The following POLA1 variants were observed in gnomAD, a reference collection of about 807,000 sequenced individuals.
POLA1 encodes DNA polymerase alpha 1, catalytic subunit, also known as DNA polymerase alpha catalytic subunit.
POLA1 carries 15 observed loss-of-function variants against 124.0 expected under a neutral mutation model. The ratio of observed to expected loss-of-function variants is 0.12; its 90% CI spans 0.08 to 0.19. The LOEUF (loss-of-function observed/expected upper bound fraction) is 0.19. Ranked by LOEUF, POLA1 falls within the 10% of genes least tolerant of loss-of-function variation. The pLI, the probability that POLA1 is intolerant of heterozygous loss-of-function variation, is 1.00. For missense variants in POLA1, 886 were observed against 1,103.4 expected, an observed-to-expected ratio of 0.80 and a Z score of 2.79; for synonymous variants, 408 against 389.4, an observed-to-expected ratio of 1.05 and a Z score of -0.56.
At chrX:24,811,540 G>C (rs1480495496) in intron 28 of POLA1, among the ~76,000 whole-genome samples, 2 of 110,661 alleles carry the variant, frequency 1.8e-5, no homozygotes, top group Non-Finnish European at 3.8e-5. Flanking sequence ...CACCTGCCTT[G>C]GACTCCCAAG....
intron 36 of POLA1, among the ~76,000 whole-genome samples, chrX:24,979,800 A>G: frequency 8.9e-6 from 1 of 112,228 alleles, no homozygotes; most frequent in East Asian, 2.8e-4. Flanking sequence ...GCAGACCCAC[A>G]TGGGCCTGCT....
chrX:24,695,154 G>A lies in POLA1; in HGVS notation c.43+1150G>A, dbSNP rs1041204448. ...AGTAGTTGCTGGGGACTTGTGACTG[G>A]AATTTTTCCTTTAGAGCAGACTGAA... On this transcript the variant is annotated intron_variant, in intron 1 of 36. Coordinates refer to ENST00000379068, the MANE Select transcript of POLA1 (RefSeq NM_001330360.2). 6.3e-5 allele frequency among the ~76,000 whole-genome samples: 7 copies of A among 111,790 alleles called. No individual in the cohort carries two copies. The East Asian group carries it at 1.9e-3, about 31-fold the overall frequency.
chrX:24,984,541 T>C (rs2048457414), intron 36 of POLA1, among the ~76,000 whole-genome samples: 1 of 111,286 alleles, frequency 9.0e-6, no homozygotes, highest in African/African-American at 3.3e-5. Flanking sequence ...AAAAAAAAAG[T>C]GTGTGTTTAT....
intron 26 of POLA1, among the ~76,000 whole-genome samples, chrX:24,763,520 A>G (rs1932836573): frequency 9.0e-6 from 1 of 111,405 alleles, no homozygotes; most frequent in African/African-American, 3.3e-5. Context: ...ATGGACATGG[A>G]TGAGATTACT....
At chrX:24,731,978 A>G (rs1326957746) in intron 15 of POLA1, among the ~76,000 whole-genome samples, 1 of 111,978 alleles carries the variant, frequency 8.9e-6, no homozygotes, top group Non-Finnish European at 1.9e-5. Flanking sequence ...TTTTCGAGAC[A>G]GAGTCTCACT....
At chrX:24,764,733 C>T (rs1932860854) in intron 26 of POLA1, among the ~76,000 whole-genome samples, 1 of 111,722 alleles carries the variant, frequency 9.0e-6, no homozygotes, top group South Asian at 3.8e-4. Context: ...ACTTTCTTCT[C>T]ATTACAGTCG....
chrX:24,865,618 A>G (rs369939621), intron 34 of POLA1, among the ~76,000 whole-genome samples: 11 of 111,835 alleles, frequency 9.8e-5, no homozygotes, highest in African/African-American at 2.9e-4. Flanking sequence ...TCTAAACTTC[A>G]TATAAAAACT....
At chrX:24,924,251 G>T (rs1364438595) in intron 35 of POLA1, among the ~76,000 whole-genome samples, 4 of 111,637 alleles carry the variant, frequency 3.6e-5, no homozygotes, top group Non-Finnish European at 5.6e-5. Flanking sequence ...TTTTTGTATG[G>T]TATCTTGTTA....
chrX:24,785,247 T>A (rs1001843121), intron 26 of POLA1, among the ~76,000 whole-genome samples: 4 of 112,343 alleles, frequency 3.6e-5, no homozygotes, highest in African/African-American at 1.3e-4. Flanking sequence ...TTCAGGGAAC[T>A]TGAGGTTTTA....
rs763306930 is a variant in POLA1, at chrX:24,717,421, G to A, written c.838G>A (p.Asp280Asn). The stretch of plus-strand genomic sequence containing the variant: ...GGAGCCTATGGCTGCCAAGGCTTGG[G>A]ACAAAGAGAGTGAGCCAGCAGAGGA... ...DLEPMAAKAW[D>N]KESEPAEEVK... The change falls in exon 9 of 37, where the codon GAC (aspartate) becomes AAC (asparagine). Residue 280 changes from aspartate to asparagine, a missense_variant. Physicochemically the swap from Asp to Asn is conservative, Grantham distance 23. This residue lies in a region of POLA1 where 337 missense variants were observed against 402.8 expected (regional missense o/e 0.84). Coordinates refer to ENST00000379068, the MANE Select transcript of POLA1 (RefSeq NM_001330360.2). The A allele has an allele frequency of 1.7e-6, 2 of 1,211,699 alleles. No individual in the cohort carries two copies. Among genetic ancestry groups the A allele is most frequent in the East Asian group, 3.0e-5 (1 of 33,853 alleles).
intron 35 of POLA1, among the ~76,000 whole-genome samples, chrX:24,902,181 CAT>C (rs1376798393): frequency 1.8e-5 from 2 of 111,829 alleles, no homozygotes; most frequent in African/African-American, 6.5e-5. Flanking sequence ...TTAATGTAAA[CAT>C]GTACATAAGT....
chrX:24,726,809 A>G, intron 13 of POLA1, 124 bp from the exon 14 acceptor site: 2 of 445,680 alleles, frequency 4.5e-6, no homozygotes, highest in Non-Finnish European at 7.4e-6. Context: ...TACATTTCAT[A>G]TATATCAAAG....
Position 24,705,699 on chromosome X carries a change from C to A in POLA1, c.346+1230C>A, listed in dbSNP as rs187788128. On this transcript the variant is annotated intron_variant, in intron 4 of 36. Coordinates refer to ENST00000379068, the MANE Select transcript of POLA1 (RefSeq NM_001330360.2). ...AGTGTAGAACAGCAACACCTCCCCCCCTCCCCTGCCCCTGGCCTCTTTTTG... is the reference window on the plus strand; with the variant it reads ...AGTGTAGAACAGCAACACCTCCCCCACTCCCCTGCCCCTGGCCTCTTTTTG... Among the ~76,000 whole-genome samples, 17 of 110,121 alleles carry A rather than the reference C, an allele frequency of 1.5e-4. No homozygotes were observed. In the East Asian group the frequency reaches 2.5e-3, roughly 16 times the overall value.
chrX:24,917,862 GA>G (rs1369172090), intron 35 of POLA1, among the ~76,000 whole-genome samples: 1 of 111,721 alleles, frequency 9.0e-6, no homozygotes, highest in Non-Finnish European at 1.9e-5. Context: ...AATGTGAATT[GA>G]GGGCTTACCA....
intron 35 of POLA1, among the ~76,000 whole-genome samples, chrX:24,919,806 T>G (rs1162530802): frequency 2.4e-5 from 2 of 84,266 alleles, no homozygotes; most frequent in Admixed American, 1.2e-4. Flanking sequence ...GTTTTTTTTT[T>G]TGTTTTTTTT....
intron 22 of POLA1, among the ~76,000 whole-genome samples, 179 bp from the exon 23 acceptor site, chrX:24,743,051 C>T (rs981857310): frequency 6.2e-5 from 7 of 112,011 alleles, no homozygotes; most frequent in Non-Finnish European, 1.1e-4. Context: ...AATTACTATG[C>T]TTGGGATTCA....
chrX:24,806,404 T>C (rs1427544039), intron 26 of POLA1, among the ~76,000 whole-genome samples: 1 of 109,821 alleles, frequency 9.1e-6, no homozygotes, highest in African/African-American at 3.3e-5. Flanking sequence ...AGCTTTGGAG[T>C]GTTTCTGCTC....
Position 24,696,064 on chromosome X carries a change from C to T in POLA1, c.43+2060C>T, listed in dbSNP as rs142987658. On this transcript the variant is annotated intron_variant, in intron 1 of 36. Coordinates refer to ENST00000379068, the MANE Select transcript of POLA1 (RefSeq NM_001330360.2). ...GTGTGTTTGACTTCACACGCGGAAG[C>T]GTTACATGAGCCGCTCCTATATTGC... Among the ~76,000 whole-genome samples, 397 of 112,688 alleles carry T rather than the reference C, an allele frequency of 3.5e-3. 3 individuals are homozygous for T. Among genetic ancestry groups the T allele is most frequent in the African/African-American group, 0.012 (361 of 31,047 alleles).
intron 4 of POLA1, among the ~76,000 whole-genome samples, chrX:24,713,777 G>A: frequency 8.9e-6 from 1 of 112,605 alleles, no homozygotes. Context: ...ATGACATACT[G>A]TGTATCTGGT....
Sources: allele counts gnomAD v4.1 joint callset (sites outside exome capture counted in the v4.1 genomes callset), GRCh38; gene constraint gnomAD v4.1.1; regional missense constraint gnomAD v4.1.1; transcripts MANE v1.5; gene names NCBI Gene and HGNC (gene_info 2026-07-23, HGNC 2026-07-21).